The following RABGAP1L variants were observed in gnomAD, a reference collection of about 807,000 sequenced individuals.
RABGAP1L encodes rab GTPase-activating protein 1-like.
Under a neutral mutation model 137.7 loss-of-function variants are expected in RABGAP1L, and 63 were observed. The ratio of observed to expected loss-of-function variants is 0.46; its 90% CI spans 0.37 to 0.56. The LOEUF is 0.56. Ranked by LOEUF, RABGAP1L falls within the 20% of genes least tolerant of loss-of-function variation. The pLI is 0.00. For synonymous variants in RABGAP1L, 431 were observed against 433.7 expected (o/e 0.99, Z 0.08); for missense variants, 1,095 against 1,244.0 (o/e 0.88, Z 1.80).
At chr1:174,768,101 G>C (rs942663766) in intron 18 of RABGAP1L, among the ~76,000 whole-genome samples, 1 of 152,200 alleles carries the variant, frequency 6.6e-6, no homozygotes, top group Non-Finnish European at 1.5e-5. Flanking sequence ...AAGCCAAATT[G>C]TATCAGTCAT....
chr1:174,382,934 G>T (rs1009762669), intron 12 of RABGAP1L, among the ~76,000 whole-genome samples: 103 of 151,102 alleles, frequency 6.8e-4, no homozygotes, highest in Middle Eastern at 3.4e-3. Flanking sequence ...TGTACTTTTG[G>T]TCTTTGATGA....
chr1:174,748,861 C>T (rs548555025), intron 17 of RABGAP1L, among the ~76,000 whole-genome samples: 19 of 150,750 alleles, frequency 1.3e-4, no homozygotes, highest in Non-Finnish European at 2.5e-4. Context: ...GGTGACAGAA[C>T]GAGACTCTGT....
chr1:174,301,441 C>T (rs1677696895), intron 10 of RABGAP1L, among the ~76,000 whole-genome samples: 1 of 151,100 alleles, frequency 6.6e-6, no homozygotes, highest in Non-Finnish European at 1.5e-5. Flanking sequence ...AGGCCTGGCT[C>T]AGCCCCATTG....
At chr1:174,982,658 G>A (rs1054682136) in intron 23 of RABGAP1L, among the ~76,000 whole-genome samples, 176 bp from the exon 24 acceptor site, 2 of 152,202 alleles carry the variant, frequency 1.3e-5, no homozygotes, top group Admixed American at 6.5e-5. Flanking sequence ...CATATGGAAC[G>A]CTCCAGCTTT....
At chr1:174,735,019 GTGGCACAA>G (rs1682818711) in intron 17 of RABGAP1L, among the ~76,000 whole-genome samples, 1 of 140,568 alleles carries the variant, frequency 7.1e-6, no homozygotes, top group Non-Finnish European at 1.5e-5. Flanking sequence ...CTGGAGTACA[GTGGCACAA>G]TCATAGCTTA....
intron 19 of RABGAP1L, among the ~76,000 whole-genome samples, chr1:174,873,917 ACTT>A (rs1194924065): frequency 6.6e-6 from 1 of 152,180 alleles, no homozygotes; most frequent in African/African-American, 2.4e-5. Flanking sequence ...AAAAATAGCC[ACTT>A]CTTATTCAAG....
At chr1:174,765,888 T>C (rs1176891350) in intron 18 of RABGAP1L, among the ~76,000 whole-genome samples, 1 of 152,208 alleles carries the variant, frequency 6.6e-6, no homozygotes, top group East Asian at 1.9e-4. Context: ...AGTTAATTTT[T>C]GTATATGATG....
Position 174,231,486 on chromosome 1 carries a change from G to A in RABGAP1L, c.542+131G>A, listed in dbSNP as rs1448784116. ...AGACATGCAGAGTAAACATGTTTAG[G>A]CTTAGACTGTGTTCATTGTTTGAAA... On this transcript the variant is annotated intron_variant, in intron 4 of 25. Coordinates refer to ENST00000681986, the MANE Select transcript of RABGAP1L (RefSeq NM_001366446.1). The A allele has an allele frequency of 3.7e-6, 3 of 810,962 alleles. No homozygotes were observed. The Admixed American group carries it at 6.8e-5, about 18-fold the overall frequency. 50.2% of individuals were successfully genotyped at this position (810,962 alleles called of 1,614,324 possible).
At chr1:174,286,857 C>T (rs1197473135) in intron 10 of RABGAP1L, among the ~76,000 whole-genome samples, 1 of 152,002 alleles carries the variant, frequency 6.6e-6, no homozygotes, top group Non-Finnish European at 1.5e-5. Flanking sequence ...ATTTTTCCCT[C>T]TGTTTTTATT....
intron 13 of RABGAP1L, among the ~76,000 whole-genome samples, chr1:174,406,034 GTTCT>G (rs1346858849): frequency 6.6e-6 from 1 of 151,548 alleles, no homozygotes; most frequent in Non-Finnish European, 1.5e-5. Context: ...AATGAAAGAG[GTTCT>G]TTAAGAAAAT....
chr1:174,512,293 C>T (rs1009700153), intron 13 of RABGAP1L, among the ~76,000 whole-genome samples: 12 of 152,170 alleles, frequency 7.9e-5, no homozygotes, highest in Non-Finnish European at 1.8e-4. Context: ...TGACACTATT[C>T]TCAGGGACAG....
At chr1:174,657,289 A>C (rs954432754) in intron 14 of RABGAP1L, among the ~76,000 whole-genome samples, 36 of 152,284 alleles carry the variant, frequency 2.4e-4, no homozygotes, top group African/African-American at 7.7e-4. Context: ...GCTATTTGAA[A>C]CTATTATTGT....
At chr1:174,849,082 C>A (rs538981666) in intron 19 of RABGAP1L, among the ~76,000 whole-genome samples, 2 of 152,210 alleles carry the variant, frequency 1.3e-5, no homozygotes, top group Non-Finnish European at 2.9e-5. Context: ...CGCCCTGCTT[C>A]GGCTCGCGCA....
intron 19 of RABGAP1L, among the ~76,000 whole-genome samples, chr1:174,834,426 G>GAA (rs67502774): frequency 2.0e-3 from 263 of 129,564 alleles, no homozygotes; most frequent in Middle Eastern, 7.8e-3. Context: ...AACTCCGTCT[G>GAA]AAAAAAAAAA....
intron 13 of RABGAP1L, among the ~76,000 whole-genome samples, chr1:174,584,615 A>AT (rs1668980684): frequency 6.6e-6 from 1 of 152,132 alleles, no homozygotes. Context: ...TGTGTCAAAA[A>AT]ATATATATAT....
chr1:174,891,746 C>T (rs544416292), intron 19 of RABGAP1L, among the ~76,000 whole-genome samples: 2 of 152,256 alleles, frequency 1.3e-5, no homozygotes, highest in East Asian at 1.9e-4. Flanking sequence ...TTCAAGCAAT[C>T]CTCCAGCCTC....
intron 17 of RABGAP1L, among the ~76,000 whole-genome samples, chr1:174,724,846 G>T (rs1681858225): frequency 6.6e-6 from 1 of 152,154 alleles, no homozygotes; most frequent in Non-Finnish European, 1.5e-5. Flanking sequence ...TTCAAGAATG[G>T]TCTCTCTGAG....
intron 20 of RABGAP1L, among the ~76,000 whole-genome samples, chr1:174,961,072 C>G (rs1669047615): frequency 6.6e-6 from 1 of 152,108 alleles, no homozygotes; most frequent in Non-Finnish European, 1.5e-5. Flanking sequence ...AGAAAGGAAA[C>G]TTTTTTGAAA....
chr1:174,791,928 A>G (rs1003639210), intron 18 of RABGAP1L, among the ~76,000 whole-genome samples: 12 of 152,176 alleles, frequency 7.9e-5, no homozygotes, highest in Non-Finnish European at 1.3e-4. Context: ...CAACCTAAGA[A>G]TCTTAGATTC....
Sources: allele counts gnomAD v4.1 joint callset (sites outside exome capture counted in the v4.1 genomes callset), GRCh38; gene constraint gnomAD v4.1.1; transcripts MANE v1.5; gene names NCBI Gene and HGNC (gene_info 2026-07-23, HGNC 2026-07-21).